The following POLR3GL variants were observed in gnomAD, a reference collection of about 807,000 sequenced individuals.
POLR3GL encodes the protein RNA polymerase III subunit GL.
Under a neutral mutation model 32.4 loss-of-function variants are expected in POLR3GL, and 26 were observed. The ratio of observed to expected loss-of-function variants is 0.80; its 90% CI spans 0.59 to 1.11. The LOEUF is 1.11. Among genes scored for constraint, POLR3GL ranks in the 50% most tolerant of loss-of-function variants. The pLI, the probability that POLR3GL is intolerant of heterozygous loss-of-function variation, is 0.00. For synonymous variants in POLR3GL, 95 were observed against 98.7 expected (o/e 0.96, Z 0.22); for missense variants, 229 against 280.1 (o/e 0.82, Z 1.30).
At chr1:145,969,165 C>T (rs1468793879) in intron 1 of POLR3GL, among the ~76,000 whole-genome samples, 1 of 152,118 alleles carries the variant, frequency 6.6e-6, no homozygotes, top group East Asian at 1.9e-4. Flanking sequence ...GTGGTGTGAT[C>T]ATAGCTCACT....
chr1:145,970,908 C>T (rs587685418), intron 1 of POLR3GL, among the ~76,000 whole-genome samples: 179 of 112,808 alleles, frequency 1.6e-3, no homozygotes, highest in African/African-American at 6.1e-3. Context: ...AAAAAAATGC[C>T]GGGCGCAGTG....
chr1:145,965,634 C>T (rs587682611), intron 1 of POLR3GL, among the ~76,000 whole-genome samples: 1 of 152,308 alleles, frequency 6.6e-6, no homozygotes, highest in African/African-American at 2.4e-5. Context: ...GCCATGCATC[C>T]TTCTTACAAA....
chr1:145,977,936 T>G, intron 6 of POLR3GL, 47 bp from the exon 7 acceptor site: 1 of 1,613,838 alleles, frequency 6.2e-7, no homozygotes, highest in East Asian at 2.2e-5. Flanking sequence ...ATTTTTCCCT[T>G]CTGTGAACTG....
Position 145,974,886 on chromosome 1 carries a change from C to T in POLR3GL, c.21C>T (p.Gly7=). The T allele has an allele frequency of 9.9e-6, 15 of 1,520,272 alleles. No homozygotes were observed. The highest frequency in any genetic ancestry group is 1.3e-5 in the Non-Finnish European group (15 of 1,143,744). The allele number at this position is 1,520,272 out of a possible 1,614,324, so 94.2% of individuals were successfully genotyped here. Reference sequence around the variant, plus strand: ...CCACCATGGCCAGCCGGGGTGGGGGCCGGGGTCGTGGCCGGGGCCAGTTGA... The same window carrying T: ...CCACCATGGCCAGCCGGGGTGGGGGTCGGGGTCGTGGCCGGGGCCAGTTGA... MASRGG[G]RGRGRGQLTF... The change falls in exon 2 of 8, where the codon GGC becomes GGT. Residue 7 remains glycine (G), a synonymous_variant. Coordinates refer to ENST00000369314, the MANE Select transcript of POLR3GL (RefSeq NM_032305.3).
intron 1 of POLR3GL, among the ~76,000 whole-genome samples, chr1:145,972,142 A>T (rs1650349907): frequency 6.6e-6 from 1 of 150,460 alleles, no homozygotes; most frequent in Non-Finnish European, 1.5e-5. Flanking sequence ...GCACTTTGGG[A>T]GGCCGAGGTG....
At chr1:145,977,361 A>C in intron 4 of POLR3GL, 122 bp from the exon 5 acceptor site, 1 of 998,912 alleles carries the variant, frequency 1.0e-6, no homozygotes, top group Non-Finnish European at 1.6e-6. Context: ...GCCACTGAAC[A>C]ACTTTGGCCC....
intron 1 of POLR3GL, among the ~76,000 whole-genome samples, chr1:145,973,684 C>G (rs1466262362): frequency 6.6e-6 from 1 of 151,288 alleles, no homozygotes. Context: ...TGCACTCCAG[C>G]CTGGGCAACA....
In POLR3GL at chr1:145,978,416, G is replaced by T. The variant is rs587606116; in HGVS notation, c.626G>T (p.Ser209Ile). 5.6e-6 allele frequency: 9 copies of T among 1,611,532 alleles called. No homozygotes were observed. The African/African-American group carries it at 1.2e-4, about 22-fold the overall frequency. Reference sequence around the variant, plus strand: ...AATGGAGAGGACTTTGGTGGTGACAGTGATGACAATATGGACGAGGCTATA... The same window carrying T: ...AATGGAGAGGACTTTGGTGGTGACATTGATGACAATATGGACGAGGCTATA... ...FDNGEDFGGD[S>I]DDNMDEAIY The change falls in exon 8 of 8, where the codon AGT becomes ATT. Residue 209 changes from serine to isoleucine, a missense_variant. Ser to Ile is a moderately radical substitution (Grantham distance 142). Transcript: ENST00000369314.
chr1:145,968,378 T>C (rs1650127952), intron 1 of POLR3GL, among the ~76,000 whole-genome samples: 1 of 152,204 alleles, frequency 6.6e-6, no homozygotes, highest in African/African-American at 2.4e-5. Flanking sequence ...AGAGGATCAC[T>C]CATTTAATGT....
chr1:145,966,665 T>C (rs587736747), intron 1 of POLR3GL, among the ~76,000 whole-genome samples: 1 of 152,034 alleles, frequency 6.6e-6, no homozygotes, highest in East Asian at 1.9e-4. Flanking sequence ...GGCGCATGCC[T>C]GTAATCCCAG....
At chr1:145,968,655 T>C (rs1350105409) in intron 1 of POLR3GL, among the ~76,000 whole-genome samples, 1 of 151,142 alleles carries the variant, frequency 6.6e-6, no homozygotes, top group African/African-American at 2.4e-5. Flanking sequence ...CACTGCAACC[T>C]CTGCCTCCTG....
chr1:145,974,639 A>G (rs1650465626), intron 1 of POLR3GL, among the ~76,000 whole-genome samples, 186 bp from the exon 2 acceptor site: 1 of 152,132 alleles, frequency 6.6e-6, no homozygotes, highest in South Asian at 2.1e-4. Flanking sequence ...TGTTTGGGGG[A>G]CCATGTCTCA....
Position 145,977,483 on chromosome 1 carries a change from A to G in POLR3GL, c.326A>G (p.Asp109Gly). Residue 109 changes from aspartate (D) to glycine (G), a missense_variant and splice_region_variant, in exon 5 of 8, where the codon GAT becomes GGT. Physicochemically the swap from Asp to Gly is moderately conservative, Grantham distance 94. Transcript: ENST00000369314. ...PIDNAIDWNP[D>G]WRRLPRELKI... ...ACATTTACGTTCCCACTATTCCCAG[A>G]TTGGCGGCGTCTACCCCGGGAGCTA... 1 of 1,613,890 alleles carries G rather than the reference A, an allele frequency of 6.2e-7. No individual in the cohort carries two copies. Among genetic ancestry groups the G allele is most frequent in the Non-Finnish European group, 8.5e-7 (1 of 1,179,870 alleles).
At chr1:145,977,408 C>T (rs587603039) in intron 4 of POLR3GL, 75 bp from the exon 5 acceptor site, 16 of 1,430,718 alleles carry the variant, frequency 1.1e-5, no homozygotes, top group East Asian at 4.6e-5. Flanking sequence ...CCCTCACCCC[C>T]CTTTAAAACC....
rs781805335 is a variant in POLR3GL, at chr1:145,975,302, T to A, written c.127-5T>A. On this transcript the variant is annotated splice_polypyrimidine_tract_variant and splice_region_variant and intron_variant, in intron 2 of 7. Coordinates refer to ENST00000369314, the MANE Select transcript of POLR3GL (RefSeq NM_032305.3). ...CTGAACTGACCACTGCCCCTGCCTC[T>A]TTAGCCCTTGGAGTTCCGCCCAGTA... 6.2e-7 allele frequency: 1 copy of A among 1,613,436 alleles called. No individual in the cohort carries two copies. The highest frequency in any genetic ancestry group is 8.5e-7 in the Non-Finnish European group (1 of 1,179,434).
At chr1:145,965,783 T>C (rs1253413759) in intron 1 of POLR3GL, among the ~76,000 whole-genome samples, 3 of 152,194 alleles carry the variant, frequency 2.0e-5, no homozygotes, top group Admixed American at 6.5e-5. Flanking sequence ...ATAAGAAATA[T>C]ATAGCTAAAG....
chr1:145,977,456 T>C (rs782726731), intron 4 of POLR3GL, 27 bp from the exon 5 acceptor site: 3 of 1,610,536 alleles, frequency 1.9e-6, no homozygotes, highest in Admixed American at 1.7e-5. Context: ...AGGGTCCTAT[T>C]GACATTTACG....
At chr1:145,965,050 C>T (rs1352392751) in intron 1 of POLR3GL, among the ~76,000 whole-genome samples, 2 of 152,196 alleles carry the variant, frequency 1.3e-5, no homozygotes, top group Non-Finnish European at 2.9e-5. Context: ...ATCCCAAGAG[C>T]CTGACAAACT....
chr1:145,968,000 A>T (rs587740319), intron 1 of POLR3GL, among the ~76,000 whole-genome samples: 11 of 152,354 alleles, frequency 7.2e-5, no homozygotes, highest in African/African-American at 2.4e-4. Context: ...TAACCTCTAC[A>T]TGTACTGCCT....
Sources: allele counts gnomAD v4.1 joint callset (sites outside exome capture counted in the v4.1 genomes callset), GRCh38; gene constraint gnomAD v4.1.1; transcripts MANE v1.5; gene names NCBI Gene and HGNC (gene_info 2026-07-23, HGNC 2026-07-21).